The following TSKS variants were observed in gnomAD, a reference collection of about 807,000 sequenced individuals.
TSKS encodes testis-specific serine kinase substrate.
Under a neutral mutation model 68.0 loss-of-function variants are expected in TSKS, and 27 were observed. That is an observed-to-expected ratio of 0.40 (90% CI 0.29 to 0.55). TSKS has a LOEUF of 0.55. TSKS is among the 20% of genes least tolerant of loss of function. The pLI, the probability that TSKS is intolerant of heterozygous loss-of-function variation, is 0.53. For missense variants in TSKS, 806 were observed against 776.0 expected (o/e 1.04, Z -0.46); for synonymous variants, 331 against 340.4 (o/e 0.97, Z 0.30).
chr19:49,740,420 C>T, intron 9 of TSKS: 1 of 530,276 alleles, frequency 1.9e-6, no homozygotes, highest in East Asian at 3.1e-5. Context: ...ATGCACTGAC[C>T]TATGTCCCAG....
intron 2 of TSKS, among the ~76,000 whole-genome samples, chr19:49,759,491 C>CTGGGGGTG (rs1555789980): frequency 4.1e-5 from 6 of 147,486 alleles, no homozygotes; most frequent in African/African-American, 1.3e-4. Context: ...AAAAAATTAC[C>CTGGGGGTG]TGGGTGTGTG....
chr19:49,754,231 G>T (rs548297176), intron 2 of TSKS, among the ~76,000 whole-genome samples: 1 of 149,332 alleles, frequency 6.7e-6, no homozygotes, highest in Admixed American at 6.7e-5. Context: ...AGGCACGGTG[G>T]CTCACACCTG....
rs751951179 is a variant in TSKS, at chr19:49,745,220, G to A, written c.1169C>T (p.Ala390Val). The A allele has an allele frequency of 5.6e-6, 9 of 1,602,624 alleles. No homozygotes were observed. The highest frequency in any genetic ancestry group is 5.5e-5 in the South Asian group (5 of 90,368). ...TCCTCACATGGTGCACAGCTCATCC[G>A]CCCGACCTCGCAGCTCCTGCAAGTC... ...ARDLQELRGRADELCTMVERS... is the reference protein window; with the variant it reads ...ARDLQELRGRVDELCTMVERS... The change falls in exon 7 of 11, where the codon GCG becomes GTG. Residue 390 changes from alanine to valine, a missense_variant. Transcript: ENST00000246801.
chr19:49,754,413 C>T (rs1364709063), intron 2 of TSKS, among the ~76,000 whole-genome samples: 1 of 151,648 alleles, frequency 6.6e-6, no homozygotes, highest in Admixed American at 6.6e-5. Flanking sequence ...TCAGGAAAAT[C>T]GCTTGAACCT....
Position 49,739,827 on chromosome 19 carries a change from GC to G in TSKS, c.1727del (p.Gly576AlafsTer?). On this transcript the variant is annotated frameshift_variant, in exon 11 of 11. Transcript: ENST00000246801. LOFTEE classifies it high-confidence loss of function. ...LEGSTGTMGGGSSAGTPPKQG... is the reference protein window; with the variant it reads ...LEGSTGTMGGXSSAGTPPKQG... Reference sequence around the variant, plus strand: ...GTTTTGGGGGGGTTCCTGCACTGCTGCCTCCCCCCATTGTTCCCGTGGACCC... The same window carrying G: ...GTTTTGGGGGGGTTCCTGCACTGCTGCTCCCCCCATTGTTCCCGTGGACCC... 6.2e-7 allele frequency: 1 copy of G among 1,610,708 alleles called. No individual in the cohort carries two copies. The highest frequency in any genetic ancestry group is 8.5e-7 in the Non-Finnish European group (1 of 1,176,946).
At chr19:49,753,590 A>C (rs2084368696) in intron 2 of TSKS, among the ~76,000 whole-genome samples, 2 of 147,154 alleles carry the variant, frequency 1.4e-5, no homozygotes, top group Non-Finnish European at 3.0e-5. Context: ...AATAATAATA[A>C]TAATAAAATA....
At chr19:49,753,996 T>G (rs1448817724) in intron 2 of TSKS, among the ~76,000 whole-genome samples, 4 of 149,202 alleles carry the variant, frequency 2.7e-5, no homozygotes, top group African/African-American at 9.7e-5. Context: ...GCGATTCCCC[T>G]GCCTCAGCCT....
intron 2 of TSKS, among the ~76,000 whole-genome samples, chr19:49,756,503 G>GA (rs577121238): frequency 2.1e-5 from 3 of 145,380 alleles, no homozygotes; most frequent in East Asian, 2.0e-4. Flanking sequence ...GAATAAAAGG[G>GA]AAAAAAAACA....
intron 2 of TSKS, among the ~76,000 whole-genome samples, chr19:49,761,204 T>C (rs1376237115): frequency 6.6e-6 from 1 of 152,218 alleles, no homozygotes; most frequent in Non-Finnish European, 1.5e-5. Flanking sequence ...TAGTGAATCT[T>C]ATCAGCATCA....
At chr19:49,752,103 G>A (rs1432184570) in intron 2 of TSKS, among the ~76,000 whole-genome samples, 4 of 151,894 alleles carry the variant, frequency 2.6e-5, no homozygotes, top group Non-Finnish European at 4.4e-5. Context: ...TAACTCCCAG[G>A]CTGAGCGTGG....
At chr19:49,744,135 A>G (rs2084275826) in intron 8 of TSKS, 96 bp downstream of exon 8, 2 of 1,350,534 alleles carry the variant, frequency 1.5e-6, no homozygotes, top group Non-Finnish European at 2.1e-6. Flanking sequence ...TCCCAAAATG[A>G]ACAGCGCCCC....
chr19:49,752,056 A>G (rs1212333238), intron 2 of TSKS, among the ~76,000 whole-genome samples: 7 of 151,658 alleles, frequency 4.6e-5, no homozygotes, highest in Admixed American at 1.3e-4. Flanking sequence ...TCTGGATGAC[A>G]CTGAGATCCT....
intron 8 of TSKS, among the ~76,000 whole-genome samples, chr19:49,742,547 G>GGAGT (rs2084261456): frequency 7.0e-6 from 1 of 142,538 alleles, no homozygotes; most frequent in Non-Finnish European, 1.5e-5. Context: ...CACCCAGGCT[G>GGAGT]GAGTGCAGTG....
At chr19:49,755,069 C>T (rs1234178279) in intron 2 of TSKS, among the ~76,000 whole-genome samples, 1 of 152,138 alleles carries the variant, frequency 6.6e-6, no homozygotes, top group Non-Finnish European at 1.5e-5. Flanking sequence ...TGCACTCCAG[C>T]CTGGCAACAG....
At position 49,746,569 on chromosome 19, in the gene TSKS, A is replaced by C; in HGVS notation, c.893T>G (p.Leu298Arg). The C allele has an allele frequency of 6.2e-7, 1 of 1,613,020 alleles. No individual in the cohort carries two copies. The highest frequency in any genetic ancestry group is 1.1e-5 in the South Asian group (1 of 91,044). ...CCCCATTCCCCAGCCTGCGGGGACCAGGCCGTGTGGCCGCGAGGGTTTGTC... is the reference window on the plus strand; with the variant it reads ...CCCCATTCCCCAGCCTGCGGGGACCCGGCCGTGTGGCCGCGAGGGTTTGTC... ...SPDKPSRPHG[L>R]VPAGWGMGPR... Residue 298 changes from leucine to arginine, a missense_variant, in exon 6 of 11, where the codon CTG becomes CGG. By Grantham distance (102) the Leu-to-Arg change is moderately radical. Coordinates refer to ENST00000246801, the MANE Select transcript of TSKS (RefSeq NM_021733.2).
At chr19:49,750,768 C>T (rs565411660) in intron 2 of TSKS, among the ~76,000 whole-genome samples, 2 of 152,244 alleles carry the variant, frequency 1.3e-5, no homozygotes, top group South Asian at 2.1e-4. Flanking sequence ...GCAACCAGAA[C>T]GTAGACACCT....
chr19:49,741,164 C>T (rs1176721468), intron 9 of TSKS, among the ~76,000 whole-genome samples: 2 of 152,046 alleles, frequency 1.3e-5, no homozygotes, highest in Non-Finnish European at 2.9e-5. Context: ...GGCGACAGAG[C>T]GAGACTCCAT....
chr19:49,748,302 T>C, intron 3 of TSKS, 72 bp downstream of exon 3: 1 of 1,576,780 alleles, frequency 6.3e-7, no homozygotes, highest in Non-Finnish European at 8.7e-7. Flanking sequence ...TGCATTCTGC[T>C]GGAGGCAGGC....
rs766812398 is a variant in TSKS at position 49,741,950 on chromosome 19, C to T, written c.1432G>A (p.Glu478Lys). 5 of 1,614,172 alleles carry T rather than the reference C, an allele frequency of 3.1e-6. No individual in the cohort carries two copies. The Admixed American group carries it at 5.0e-5, about 16-fold the overall frequency. Residue 478 changes from glutamate (E) to lysine (K), a missense_variant, in exon 9 of 11, where the codon GAG becomes AAG. Coordinates refer to ENST00000246801, the MANE Select transcript of TSKS (RefSeq NM_021733.2). ...GGAGTCAGGCCCCTCTGCTTCACCT[C>T]GTCCACTAGTGAGGTCAGTGCTCGG... ...LDRALTSLVD[E>K]VKQRGLTPAC...
Sources: allele counts gnomAD v4.1 joint callset (sites outside exome capture counted in the v4.1 genomes callset), GRCh38; gene constraint gnomAD v4.1.1; transcripts MANE v1.5; gene names NCBI Gene and HGNC (gene_info 2026-07-23, HGNC 2026-07-21).